The following UNC5D variants were observed in gnomAD, a reference collection of about 807,000 sequenced individuals.
The protein encoded by UNC5D is unc-5 netrin receptor D, also known as netrin receptor UNC5D.
UNC5D carries 39 observed loss-of-function variants against 105.4 expected under a neutral mutation model. The observed-to-expected ratio is 0.37, with a 90% CI of 0.29 to 0.48. The LOEUF (loss-of-function observed/expected upper bound fraction) is 0.48, where lower values mean the gene tolerates loss of function less well. UNC5D is among the 20% of genes least tolerant of loss of function. The probability of loss-of-function intolerance (pLI) is 0.98; values close to 1 mark genes in which losing one functional copy is unlikely to be tolerated. For missense variants in UNC5D, 991 were observed against 1,202.4 expected (o/e 0.82, Z 2.60); for synonymous variants, 452 against 450.4 (o/e 1.00, Z -0.04).
At chr8:35,634,603 T>G (rs2131095628) in intron 4 of UNC5D, among the ~76,000 whole-genome samples, 1 of 152,230 alleles carries the variant, frequency 6.6e-6, no homozygotes, top group Middle Eastern at 3.4e-3. Context: ...AGAGACAAGT[T>G]ATTTAGTTTT....
At chr8:35,649,972 GTTTA>G (rs780835531) in intron 4 of UNC5D, among the ~76,000 whole-genome samples, 6 of 152,138 alleles carry the variant, frequency 3.9e-5, no homozygotes, top group African/African-American at 7.2e-5. Flanking sequence ...GAAGCCTGCA[GTTTA>G]TTTAATAATC....
intron 1 of UNC5D, among the ~76,000 whole-genome samples, chr8:35,505,555 G>A (rs937123877): frequency 2.6e-5 from 4 of 152,114 alleles, no homozygotes; most frequent in Non-Finnish European, 5.9e-5. Context: ...GGAGGTTTGT[G>A]GCAAGGGTTT....
At chr8:35,290,252 C>T (rs2128860358) in intron 1 of UNC5D, among the ~76,000 whole-genome samples, 1 of 152,188 alleles carries the variant, frequency 6.6e-6, no homozygotes, top group South Asian at 2.1e-4. Context: ...ACCTAAGCAT[C>T]CATCAGTGGA....
chr8:35,491,671 A>C (rs1811223441), intron 1 of UNC5D, among the ~76,000 whole-genome samples: 1 of 152,084 alleles, frequency 6.6e-6, no homozygotes, highest in Non-Finnish European at 1.5e-5. Flanking sequence ...ACTGGTTTGC[A>C]GCATCTAGGA....
chr8:35,699,510 G>A (rs1353978520), intron 7 of UNC5D, among the ~76,000 whole-genome samples: 1 of 152,140 alleles, frequency 6.6e-6, no homozygotes, highest in Non-Finnish European at 1.5e-5. Flanking sequence ...TGTTATTTAT[G>A]TGGGTGATTT....
intron 14 of UNC5D, among the ~76,000 whole-genome samples, chr8:35,764,617 C>G (rs1369344036): frequency 5.3e-5 from 8 of 152,158 alleles, no homozygotes; most frequent in Non-Finnish European, 1.5e-5. Flanking sequence ...CAGAAATGCC[C>G]TCTGCTGCAG....
At chr8:35,613,974 G>A (rs1820857455) in intron 4 of UNC5D, among the ~76,000 whole-genome samples, 1 of 152,212 alleles carries the variant, frequency 6.6e-6, no homozygotes, top group Admixed American at 6.5e-5. Context: ...GCTAAAGACT[G>A]TGTGTGGGGT....
intron 1 of UNC5D, among the ~76,000 whole-genome samples, chr8:35,268,603 A>T (rs916254368): frequency 8.5e-5 from 13 of 152,172 alleles, no homozygotes; most frequent in African/African-American, 2.9e-4. Flanking sequence ...TCACACATTT[A>T]AAAAATATTT....
chr8:35,317,527 A>T (rs1809397592), intron 1 of UNC5D, among the ~76,000 whole-genome samples: 1 of 152,172 alleles, frequency 6.6e-6, no homozygotes, highest in Non-Finnish European at 1.5e-5. Context: ...AGGATGGTGA[A>T]TCACATTAAC....
chr8:35,526,250 A>C (rs1254337444), intron 1 of UNC5D, among the ~76,000 whole-genome samples: 1 of 152,184 alleles, frequency 6.6e-6, no homozygotes, highest in Non-Finnish European at 1.5e-5. Context: ...CCCAGGGTCC[A>C]CATTTATCTT....
chr8:35,589,629 A>T (rs1237802266), intron 3 of UNC5D, among the ~76,000 whole-genome samples: 1 of 152,090 alleles, frequency 6.6e-6, no homozygotes, highest in African/African-American at 2.4e-5. Flanking sequence ...CACCAAAACT[A>T]CTTCTCTTTG....
intron 1 of UNC5D, among the ~76,000 whole-genome samples, chr8:35,465,317 G>A (rs142035518): frequency 6.6e-6 from 1 of 152,270 alleles, no homozygotes; most frequent in East Asian, 1.9e-4. Context: ...ACATGTGCCT[G>A]GCATGTCAAG....
chr8:35,470,070 C>T (rs557894953), intron 1 of UNC5D, among the ~76,000 whole-genome samples: 1 of 152,246 alleles, frequency 6.6e-6, no homozygotes, highest in East Asian at 1.9e-4. Context: ...GAATGACTTT[C>T]CAGCTGAATA....
chr8:35,301,764 A>G (rs1381482900), intron 1 of UNC5D, among the ~76,000 whole-genome samples: 1 of 152,210 alleles, frequency 6.6e-6, no homozygotes, highest in East Asian at 1.9e-4. Flanking sequence ...TCCTTCTTAT[A>G]TAATTTACTA....
intron 4 of UNC5D, among the ~76,000 whole-genome samples, chr8:35,632,835 A>G (rs555136760): frequency 6.6e-6 from 1 of 152,286 alleles, no homozygotes; most frequent in African/African-American, 2.4e-5. Context: ...AACCTGTTCC[A>G]GTCAGCCATC....
chr8:35,754,647 T>C (rs1830433461), intron 13 of UNC5D, among the ~76,000 whole-genome samples: 1 of 152,170 alleles, frequency 6.6e-6, no homozygotes, highest in Admixed American at 6.5e-5. Flanking sequence ...GGGCCCACCA[T>C]AGAATATTCC....
intron 4 of UNC5D, among the ~76,000 whole-genome samples, chr8:35,631,242 A>T (rs1442407351): frequency 1.3e-5 from 2 of 151,502 alleles, no homozygotes; most frequent in Non-Finnish European, 2.9e-5. Context: ...TCAACCCAGG[A>T]GGCGGAGGTT....
intron 3 of UNC5D, among the ~76,000 whole-genome samples, chr8:35,570,063 G>A (rs992843674): frequency 6.6e-6 from 1 of 152,134 alleles, no homozygotes; most frequent in Non-Finnish European, 1.5e-5. Context: ...TTTGTCCAGG[G>A]AAAAACCTTG....
intron 1 of UNC5D, among the ~76,000 whole-genome samples, chr8:35,537,235 T>G (rs1321312263): frequency 6.6e-6 from 1 of 152,216 alleles, no homozygotes; most frequent in East Asian, 1.9e-4. Flanking sequence ...ATTTTGCTAG[T>G]AATCAGCAAG....
Sources: allele counts gnomAD v4.1 joint callset (sites outside exome capture counted in the v4.1 genomes callset), GRCh38; gene constraint gnomAD v4.1.1; transcripts MANE v1.5; gene names NCBI Gene and HGNC (gene_info 2026-07-23, HGNC 2026-07-21).